ABI3BP: variants seen among roughly 807,000 people sequenced by gnomAD.
The protein encoded by ABI3BP is target of Nesh-SH3.
A neutral mutation model predicts 268.6 loss-of-function variants in ABI3BP; 216 were observed. The ratio of observed to expected loss-of-function variants is 0.80; its 90% CI spans 0.72 to 0.90. ABI3BP has a LOEUF of 0.90. ABI3BP is among the 40% of genes least tolerant of loss of function. The pLI, the probability that ABI3BP is intolerant of heterozygous loss-of-function variation, is 0.00. For missense variants in ABI3BP, 2,090 were observed against 2,182.4 expected, an observed-to-expected ratio of 0.96 and a Z score of 0.84; for synonymous variants, 730 against 730.0, an observed-to-expected ratio of 1.00 and a Z score of 0.00.
At chr3:100,781,057 G>T (rs1196327273) in intron 57 of ABI3BP, among the ~76,000 whole-genome samples, 2 of 152,056 alleles carry the variant, frequency 1.3e-5, no homozygotes, top group African/African-American at 4.8e-5. Flanking sequence ...CAGAAATAAT[G>T]ACCTGTCCTA....
Position 100,838,201 on chromosome 3 carries a change from T to G in ABI3BP, c.2083+9A>C. 6.5e-7 allele frequency: 1 copy of G among 1,533,286 alleles called. No individual in the cohort carries two copies. The highest frequency in any genetic ancestry group is 8.7e-7 in the Non-Finnish European group (1 of 1,144,018). 95.0% of individuals were successfully genotyped at this position (1,533,286 alleles called of 1,614,324 possible). A position where few individuals can be genotyped will look rare whatever the true frequency, so the allele number is the denominator to read the frequency against. On this transcript the variant is annotated intron_variant, in intron 26 of 67. Transcript: ENST00000471714. The stretch of plus-strand genomic sequence containing the variant: ...CCTGTTAAGCTAAAGCACTGGAAAT[T>G]ATGTTTACCGGATTTAGTTGGTGGC...
intron 1 of ABI3BP, among the ~76,000 whole-genome samples, 194 bp from the exon 2 acceptor site, chr3:100,926,675 G>C (rs1262459664): frequency 6.6e-6 from 1 of 152,154 alleles, no homozygotes; most frequent in African/African-American, 2.4e-5. Context: ...AGAATAAAAA[G>C]TATATCTTAC....
At position 100,752,854 on chromosome 3, in the gene ABI3BP, T is replaced by C. The variant is rs2095413816; in HGVS notation, c.5055A>G (p.Lys1685=). 6.2e-7 allele frequency: 1 copy of C among 1,613,534 alleles called. No homozygotes were observed. Among genetic ancestry groups the C allele is most frequent in the South Asian group, 1.1e-5 (1 of 91,084 alleles). The change falls in exon 66 of 68, where the codon AAA becomes AAG. Residue 1685 remains lysine, a synonymous_variant. Transcript: ENST00000471714. ...TGCACAGCTGCACTCCTACAAATTTTTTATACCATGTCCTTTTGACATATT... is the reference window on the plus strand; with the variant it reads ...TGCACAGCTGCACTCCTACAAATTTCTTATACCATGTCCTTTTGACATATT... ...GKQYVKRTWY[K]KFVGVQLCNS... is the part of the protein sequence containing the mutation.
chr3:100,911,523 C>T, intron 2 of ABI3BP: 1 of 516,258 alleles, frequency 1.9e-6, no homozygotes, highest in South Asian at 2.2e-5. Flanking sequence ...TCCTTAATTC[C>T]TCTTGTAATG....
In ABI3BP at chr3:100,798,491, C is replaced by T. The variant is rs141311811; in HGVS notation, c.3758-2023G>A. ...CGTACATCTTTCATGCTGGGAGAAA[C>T]TCATCAATGAAAATAATGATGACAA... On this transcript the variant is annotated intron_variant, in intron 51 of 67. Transcript: ENST00000471714. Among the ~76,000 whole-genome samples the T allele has an allele frequency of 2.8e-3, 424 of 152,024 alleles. 5 individuals are homozygous for T. Among genetic ancestry groups the T allele is most frequent in the African/African-American group, 9.6e-3 (397 of 41,496 alleles).
intron 6 of ABI3BP, among the ~76,000 whole-genome samples, chr3:100,885,112 G>T (rs1343875263): frequency 2.6e-5 from 4 of 152,036 alleles, no homozygotes; most frequent in East Asian, 3.8e-4. Context: ...AAATCAAACT[G>T]GTTGCTCCAT....
At chr3:100,925,559 C>T (rs932662456) in intron 2 of ABI3BP, among the ~76,000 whole-genome samples, 10 of 152,008 alleles carry the variant, frequency 6.6e-5, no homozygotes, top group African/African-American at 1.7e-4. Context: ...GACTACAAGG[C>T]GTGAGCTACC....
chr3:100,869,870 A>G (rs1020643190), intron 9 of ABI3BP, among the ~76,000 whole-genome samples: 1 of 152,216 alleles, frequency 6.6e-6, no homozygotes, highest in Non-Finnish European at 1.5e-5. Context: ...ACATTTTTCC[A>G]TCACAGTTGT....
chr3:100,962,751 T>A (rs1401982649), intron 1 of ABI3BP, among the ~76,000 whole-genome samples: 1 of 152,222 alleles, frequency 6.6e-6, no homozygotes, highest in Non-Finnish European at 1.5e-5. Context: ...CTCAAACTCA[T>A]CTACCTGGTC....
chr3:100,750,231 T>G lies in ABI3BP; in HGVS notation c.*264A>C, dbSNP rs1408223486. The G allele has an allele frequency of 1.9e-5, 6 of 308,770 alleles. No homozygotes were observed. Among genetic ancestry groups the G allele is most frequent in the Admixed American group, 9.6e-5 (2 of 20,918 alleles). The allele number at this position is 308,770 out of a possible 1,614,324, so 19.1% of individuals were successfully genotyped here. The stretch of plus-strand genomic sequence containing the variant: ...AGTGTGATAAATAATATACAAATGA[T>G]CTCTTAAAATACCATGAATAGGGAG... On this transcript the variant is annotated 3_prime_UTR_variant, in exon 68 of 68. Coordinates refer to ENST00000471714, the MANE Select transcript of ABI3BP (RefSeq NM_001375547.2).
At chr3:100,850,007 G>T in intron 17 of ABI3BP, 38 bp downstream of exon 17, 1 of 1,551,002 alleles carries the variant, frequency 6.4e-7, no homozygotes, top group Non-Finnish European at 8.8e-7. Context: ...TACCTGTTTC[G>T]TCAATGCATA....
intron 1 of ABI3BP, among the ~76,000 whole-genome samples, chr3:100,929,606 G>A (rs1023144402): frequency 2.0e-5 from 3 of 151,990 alleles, no homozygotes; most frequent in Non-Finnish European, 2.9e-5. Context: ...CATTACCTGA[G>A]TTCTTTTTTT....
chr3:100,828,130 C>T (rs13076717), intron 34 of ABI3BP, among the ~76,000 whole-genome samples: 5,125 of 152,120 alleles, frequency 0.034, 122 homozygotes, highest in Middle Eastern at 0.061. Context: ...AGGTCAGAAC[C>T]TCGCGAGAAT....
At chr3:100,859,066 C>T (rs1014727836) in intron 14 of ABI3BP, among the ~76,000 whole-genome samples, 4 of 152,188 alleles carry the variant, frequency 2.6e-5, no homozygotes, top group African/African-American at 7.2e-5. Flanking sequence ...TAACACAAGA[C>T]AAACTCTTAC....
At chr3:100,820,418 A>G in intron 39 of ABI3BP, 115 bp from the exon 40 acceptor site, 1 of 852,718 alleles carries the variant, frequency 1.2e-6, no homozygotes, top group Non-Finnish European at 1.7e-6. Context: ...ATTTCAGGAA[A>G]TTTGTCTTTT....
intron 1 of ABI3BP, among the ~76,000 whole-genome samples, chr3:100,975,572 A>G (rs1415008338): frequency 6.6e-6 from 1 of 152,104 alleles, no homozygotes; most frequent in Non-Finnish European, 1.5e-5. Flanking sequence ...AGTCCTTCAC[A>G]AATAGCATTA....
chr3:100,906,831 C>T (rs560653617), intron 2 of ABI3BP, among the ~76,000 whole-genome samples: 2 of 152,316 alleles, frequency 1.3e-5, no homozygotes, highest in Admixed American at 1.3e-4. Context: ...CCAATTTTCA[C>T]ATTTTGGGTC....
intron 24 of ABI3BP, among the ~76,000 whole-genome samples, chr3:100,838,973 G>T (rs963901578): frequency 1.3e-5 from 2 of 152,112 alleles, no homozygotes; most frequent in African/African-American, 4.8e-5. Context: ...TAATCAAACA[G>T]TATTAGTACT....
chr3:100,864,857 A>G lies in ABI3BP; in HGVS notation c.1039T>C (p.Leu347=). Residue 347 remains leucine, a synonymous_variant, in exon 11 of 68, where the codon TTA becomes CTA. Coordinates refer to ENST00000471714, the MANE Select transcript of ABI3BP (RefSeq NM_001375547.2). The part of the protein sequence containing the change: ...RSTKPTTSSA[L]DVSETTLVLS... ...CCCAGTGTTGTTTCTGAAACATCTA[A>G]TGCACTAGACGTAGTGGGTTTAGTG... The G allele has an allele frequency of 6.2e-7, 1 of 1,607,462 alleles. No homozygotes were observed. The highest frequency in any genetic ancestry group is 8.5e-7 in the Non-Finnish European group (1 of 1,177,874).
Sources: allele counts gnomAD v4.1 joint callset (sites outside exome capture counted in the v4.1 genomes callset), GRCh38; gene constraint gnomAD v4.1.1; transcripts MANE v1.5; gene names NCBI Gene and HGNC (gene_info 2026-07-23, HGNC 2026-07-21).